The following VCL variants were observed in gnomAD, a reference collection of about 807,000 sequenced individuals.
VCL encodes the protein vinculin.
VCL carries 47 observed loss-of-function variants against 125.7 expected under a neutral mutation model. The ratio of observed to expected loss-of-function variants is 0.37; its 90% confidence interval spans 0.30 to 0.48. VCL has a LOEUF of 0.48. Ranked by LOEUF, VCL falls within the 20% of genes least tolerant of loss-of-function variation. The pLI, the probability that VCL is intolerant of heterozygous loss-of-function variation, is 0.99. For missense variants in VCL, 1,069 were observed against 1,455.5 expected, an observed-to-expected ratio of 0.73 and a Z score of 4.32; for synonymous variants, 458 against 514.6, an observed-to-expected ratio of 0.89 and a Z score of 1.49.
intron 8 of VCL, among the ~76,000 whole-genome samples, chr10:74,087,660 G>A (rs1280842022): frequency 6.7e-6 from 1 of 148,944 alleles, no homozygotes; most frequent in East Asian, 2.1e-4. Context: ...GCGCCTGGCC[G>A]AAAACCAGAA....
chr10:74,109,708 A>T (rs1840190694), intron 18 of VCL, among the ~76,000 whole-genome samples: 1 of 152,112 alleles, frequency 6.6e-6, no homozygotes, highest in Non-Finnish European at 1.5e-5. Flanking sequence ...TGAAGGTGTA[A>T]ATATTAATGT....
intron 2 of VCL, among the ~76,000 whole-genome samples, chr10:74,043,743 A>G (rs933875320): frequency 6.6e-6 from 1 of 152,214 alleles, no homozygotes; most frequent in East Asian, 1.9e-4. Flanking sequence ...TATAGCATGC[A>G]TGAATCTACA....
intron 1 of VCL, among the ~76,000 whole-genome samples, chr10:74,018,650 C>T (rs1840605517): frequency 6.6e-6 from 1 of 152,010 alleles, no homozygotes; most frequent in Admixed American, 6.6e-5. Context: ...TGGATTGTGT[C>T]CCTTGTGAAG....
intron 1 of VCL, among the ~76,000 whole-genome samples, chr10:74,024,161 T>A (rs530010796): frequency 6.6e-6 from 1 of 152,298 alleles, no homozygotes; most frequent in East Asian, 1.9e-4. Context: ...GTTTGTAGCT[T>A]GAGCAAAGGA....
intron 1 of VCL, among the ~76,000 whole-genome samples, chr10:74,002,595 A>G (rs2136221152): frequency 6.6e-6 from 1 of 151,006 alleles, no homozygotes; most frequent in Middle Eastern, 3.4e-3. Flanking sequence ...TAAGAAAGGT[A>G]TTACTTGGCC....
At position 74,084,228 on chromosome 10, in the gene VCL, T is replaced by G. The variant is rs112804659; in HGVS notation, c.1022+715T>G. 2.9e-4 allele frequency among the ~76,000 whole-genome samples: 44 copies of G among 152,252 alleles called. 1 individual carries two copies. The highest frequency in any genetic ancestry group is 9.4e-4 in the African/African-American group (39 of 41,532). Reference sequence around the variant, plus strand: ...TTTTGCCAGGTTGGCCAGGTTGGGCTGGGATTACAGGTGTGAGCCACCATG... The same window carrying G: ...TTTTGCCAGGTTGGCCAGGTTGGGCGGGGATTACAGGTGTGAGCCACCATG... On this transcript the variant is annotated intron_variant, in intron 8 of 21. Transcript: ENST00000211998.
At chr10:74,018,292 A>G (rs935947305) in intron 1 of VCL, among the ~76,000 whole-genome samples, 3 of 150,268 alleles carry the variant, frequency 2.0e-5, no homozygotes, top group African/African-American at 7.3e-5. Context: ...TCCTGGGCTC[A>G]TGTGATCTAC....
chr10:74,082,645 C>A, intron 7 of VCL, 101 bp downstream of exon 7: 1 of 1,231,164 alleles, frequency 8.1e-7, no homozygotes, highest in Non-Finnish European at 1.2e-6. Context: ...TCTGAGAGAA[C>A]TACTGTAACA....
At chr10:74,068,680 A>T (rs545315105) in intron 2 of VCL, among the ~76,000 whole-genome samples, 15 of 152,314 alleles carry the variant, frequency 9.8e-5, no homozygotes, top group Non-Finnish European at 2.1e-4. Flanking sequence ...GAATGCAGCG[A>T]GTGACCATAT....
intron 2 of VCL, 103 bp downstream of exon 2, chr10:74,043,256 T>C (rs1448074231): frequency 1.9e-6 from 2 of 1,039,374 alleles, no homozygotes; most frequent in African/African-American, 1.6e-5. Flanking sequence ...TATAAAACTT[T>C]TGTTTACAAT....
At chr10:74,110,369 C>G (rs1234415249) in intron 18 of VCL, among the ~76,000 whole-genome samples, 2 of 152,244 alleles carry the variant, frequency 1.3e-5, no homozygotes, top group Admixed American at 6.5e-5. Context: ...TTGCCCCACT[C>G]TGCCATTTGT....
chr10:73,998,198 C>G lies in VCL; in HGVS notation c.-10C>G, dbSNP rs1321265806. The G allele has an allele frequency of 6.2e-7, 1 of 1,610,930 alleles. No individual in the cohort carries two copies. Among genetic ancestry groups the G allele is most frequent in the East Asian group, 2.2e-5 (1 of 44,702 alleles). On this transcript the variant is annotated 5_prime_UTR_variant, in exon 1 of 22. Coordinates refer to ENST00000211998, the MANE Select transcript of VCL (RefSeq NM_014000.3). ...GTCGCCCGCGGTTCGCCGCCCCGCT[C>G]GCCGCCGCGATGCCAGTGTTTCATA...
intron 1 of VCL, 34 bp from the exon 2 acceptor site, chr10:74,043,049 T>G: frequency 6.3e-7 from 1 of 1,575,942 alleles, no homozygotes; most frequent in Non-Finnish European, 8.7e-7. Context: ...TCTGAGAATT[T>G]ATATTTGAAT....
chr10:74,002,717 A>T (rs2136221274), intron 1 of VCL, among the ~76,000 whole-genome samples: 1 of 151,556 alleles, frequency 6.6e-6, no homozygotes, highest in South Asian at 2.1e-4. Context: ...CCCCGTCTCT[A>T]CTAAAAATAC....
rs189889548 is a variant in VCL, at chr10:74,002,617, C to G, written c.168+4242C>G. Among the ~76,000 whole-genome samples, 742 of 151,826 alleles carry G rather than the reference C, an allele frequency of 4.9e-3. 4 individuals are homozygous for G. The highest frequency in any genetic ancestry group is 0.017 in the African/African-American group (696 of 41,472). ...GGTATTACTTGGCCAAGTATGGTGG[C>G]TCATGCCTGTAATCCCAGCACTTTG... On this transcript the variant is annotated intron_variant, in intron 1 of 21. Coordinates refer to ENST00000211998, the MANE Select transcript of VCL (RefSeq NM_014000.3).
At chr10:74,062,794 G>A (rs1591681367) in intron 2 of VCL, among the ~76,000 whole-genome samples, 2 of 152,130 alleles carry the variant, frequency 1.3e-5, no homozygotes, top group East Asian at 1.9e-4. Flanking sequence ...TTGGCCGGGT[G>A]CAGTGGCTTA....
intron 1 of VCL, among the ~76,000 whole-genome samples, chr10:74,018,563 C>T (rs1315220919): frequency 2.0e-5 from 3 of 152,034 alleles, no homozygotes; most frequent in African/African-American, 7.2e-5. Context: ...ACCTTCTGTG[C>T]AGAGTGAATA....
At chr10:74,021,298 A>G (rs1840661672) in intron 1 of VCL, among the ~76,000 whole-genome samples, 1 of 150,632 alleles carries the variant, frequency 6.6e-6, no homozygotes, top group African/African-American at 2.4e-5. Flanking sequence ...CCTTTCTCTG[A>G]CCCCCCTACC....
At chr10:74,025,539 G>A (rs1290176840) in intron 1 of VCL, among the ~76,000 whole-genome samples, 4 of 151,550 alleles carry the variant, frequency 2.6e-5, no homozygotes, top group African/African-American at 4.8e-5. Flanking sequence ...GATTGAGCTC[G>A]GAAGGTCAAG....
Sources: gnomAD v4.1 joint callset for allele counts (sites outside exome capture counted in the v4.1 genomes callset) on GRCh38, gnomAD v4.1.1 for gene constraint, MANE v1.5 for transcripts, NCBI Gene and HGNC (gene_info 2026-07-23, HGNC 2026-07-21) for gene names.